The following TARS2 variants were observed in gnomAD, a reference collection of about 807,000 sequenced individuals.
The protein encoded by TARS2 is threonyl-tRNA synthetase 2, mitochondrial.
A neutral mutation model predicts 94.4 loss-of-function variants in TARS2; 61 were observed. The observed-to-expected ratio is 0.65, with a 90% CI of 0.53 to 0.80. The LOEUF (loss-of-function observed/expected upper bound fraction) is 0.80, where lower values mean the gene tolerates loss of function less well. Among genes scored for constraint, TARS2 ranks in the 30% least tolerant of loss-of-function variants. TARS2 has a pLI of 0.00. For missense variants in TARS2, 704 were observed against 902.5 expected (o/e 0.78, Z 2.82); for synonymous variants, 359 against 353.4 (o/e 1.02, Z -0.18).
chr1:150,501,321 TTTTTTTTTTTTA>T (rs1332276509), intron 13 of TARS2, among the ~76,000 whole-genome samples: 1,777 of 110,124 alleles, frequency 0.016, 62 homozygotes, highest in African/African-American at 0.056. Flanking sequence ...TTTTTTTTTT[TTTTTTTTTTTTA>T]TTGAGACTAT....
At chr1:150,506,484 G>GCATA (rs777723888) in intron 17 of TARS2, among the ~76,000 whole-genome samples, 1 of 93,444 alleles carries the variant, frequency 1.1e-5, no homozygotes, top group African/African-American at 4.0e-5. Context: ...AGACACGCGC[G>GCATA]CGCACACACA....
intron 16 of TARS2, 39 bp from the exon 17 acceptor site, chr1:150,505,552 C>G: frequency 6.4e-7 from 1 of 1,563,380 alleles, no homozygotes. Context: ...CCTTAACTTT[C>G]CAGTAAATTA....
At chr1:150,494,845 G>A (rs1669582112) in intron 7 of TARS2, among the ~76,000 whole-genome samples, 1 of 152,108 alleles carries the variant, frequency 6.6e-6, no homozygotes, top group South Asian at 2.1e-4. Flanking sequence ...AGACCATCCT[G>A]GCTAACACCG....
chr1:150,488,758 T>G (rs974519529), intron 2 of TARS2: 7 of 536,098 alleles, frequency 1.3e-5, no homozygotes, highest in Non-Finnish European at 2.3e-5. Flanking sequence ...ATATTCCTTC[T>G]GTCTAACTCT....
intron 8 of TARS2, 35 bp downstream of exon 8, chr1:150,496,663 T>TA (rs774262604): frequency 6.2e-7 from 1 of 1,605,278 alleles, no homozygotes; most frequent in Non-Finnish European, 8.5e-7. Context: ...GGGATGGTGA[T>TA]AAGGGTTGGA....
chr1:150,501,968 A>C (rs779482561), intron 13 of TARS2, among the ~76,000 whole-genome samples: 1 of 151,910 alleles, frequency 6.6e-6, no homozygotes, highest in Non-Finnish European at 1.5e-5. Flanking sequence ...GTTGGAGTGC[A>C]GTGGCGCAAT....
At chr1:150,496,966 A>C (rs1669692213) in intron 9 of TARS2, 58 bp downstream of exon 9, 2 of 1,541,466 alleles carry the variant, frequency 1.3e-6, no homozygotes, top group Admixed American at 1.7e-5. Context: ...GGACTAGAAG[A>C]AGCTAAGGTG....
chr1:150,489,638 G>C (rs1156548185), intron 3 of TARS2, among the ~76,000 whole-genome samples: 1 of 152,164 alleles, frequency 6.6e-6, no homozygotes, highest in African/African-American at 2.4e-5. Flanking sequence ...TAACCACTGT[G>C]TTAAGAAGAT....
At chr1:150,494,574 T>TA (rs1273248341) in intron 7 of TARS2, among the ~76,000 whole-genome samples, 1 of 151,600 alleles carries the variant, frequency 6.6e-6, no homozygotes, top group African/African-American at 2.4e-5. Context: ...ACCTCGTCAC[T>TA]ACTAAAAATA....
intron 13 of TARS2, among the ~76,000 whole-genome samples, chr1:150,503,543 ATATG>A (rs1415594950): frequency 6.5e-5 from 4 of 61,326 alleles, no homozygotes; most frequent in Admixed American, 1.9e-4. Context: ...AAAAATACAC[ATATG>A]TGTGTGTGTG....
chr1:150,490,255 A>T (rs587727370), intron 3 of TARS2, among the ~76,000 whole-genome samples: 18 of 150,266 alleles, frequency 1.2e-4, no homozygotes, highest in African/African-American at 4.4e-4. Flanking sequence ...AGTAGCTGGG[A>T]TTACAGACAC....
Position 150,498,966 on chromosome 1 carries a change from C to G in TARS2, c.1471C>G (p.Arg491Gly). 1 of 1,614,218 alleles carries G rather than the reference C, an allele frequency of 6.2e-7. No homozygotes were observed. The highest frequency in any genetic ancestry group is 8.5e-7 in the Non-Finnish European group (1 of 1,180,042). ...SVYAVLGFSF[R>G]LALSTRPSGF... ...CTATGCCGTTCTTGGCTTCTCCTTC[C>G]GCCTGGCACTGTCCACCCGGCCATC... Residue 491 changes from arginine (R) to glycine (G), a missense_variant, in exon 12 of 18, where the codon CGC becomes GGC. By Grantham distance (125) the Arg-to-Gly change is moderately radical. Coordinates refer to ENST00000369064, the MANE Select transcript of TARS2 (RefSeq NM_025150.5).
intron 13 of TARS2, among the ~76,000 whole-genome samples, chr1:150,500,271 G>A (rs1318550663): frequency 6.6e-6 from 1 of 152,202 alleles, no homozygotes; most frequent in African/African-American, 2.4e-5. Context: ...TTTCAGTAAA[G>A]TAGGGCCTGA....
intron 13 of TARS2, among the ~76,000 whole-genome samples, chr1:150,501,973 C>T (rs767903269): frequency 3.9e-5 from 6 of 151,920 alleles, no homozygotes; most frequent in Middle Eastern, 3.4e-3. Context: ...AGTGCAGTGG[C>T]GCAATCTCGG....
intron 13 of TARS2, among the ~76,000 whole-genome samples, chr1:150,500,343 A>C (rs1176254195): frequency 6.6e-6 from 1 of 152,186 alleles, no homozygotes; most frequent in African/African-American, 2.4e-5. Flanking sequence ...TAATCCCAGC[A>C]CTTTGGGAGG....
chr1:150,501,583 G>T, intron 13 of TARS2, among the ~76,000 whole-genome samples: 1 of 150,628 alleles, frequency 6.6e-6, no homozygotes, highest in South Asian at 2.1e-4. Flanking sequence ...TGATCTGCCC[G>T]CCTTGGCCTA....
intron 7 of TARS2, among the ~76,000 whole-genome samples, chr1:150,496,028 C>T (rs144192740): frequency 6.6e-6 from 1 of 152,134 alleles, no homozygotes; most frequent in Non-Finnish European, 1.5e-5. Flanking sequence ...CTCATTAGTA[C>T]TGTTAAAGGA....
chr1:150,494,289 C>T (rs1669542133), intron 7 of TARS2, among the ~76,000 whole-genome samples: 1 of 150,220 alleles, frequency 6.7e-6, no homozygotes, highest in Non-Finnish European at 1.5e-5. Flanking sequence ...GTCACTTGAA[C>T]TCTGCCAGGA....
chr1:150,496,365 G>A, intron 7 of TARS2, 117 bp from the exon 8 acceptor site: 1 of 1,226,444 alleles, frequency 8.2e-7, no homozygotes. Flanking sequence ...CTACTGGTGG[G>A]ATTGTTGTCA....
Sources: allele counts gnomAD v4.1 joint callset (sites outside exome capture counted in the v4.1 genomes callset), GRCh38; gene constraint gnomAD v4.1.1; transcripts MANE v1.5; gene names NCBI Gene and HGNC (gene_info 2026-07-23, HGNC 2026-07-21).